TLE6: variants seen among roughly 807,000 people sequenced by gnomAD.
TLE6 encodes transducin-like enhancer protein 6.
TLE6 carries 72 observed loss-of-function variants against 77.1 expected under a neutral mutation model. The ratio of observed to expected loss-of-function variants is 0.93; its 90% CI spans 0.77 to 1.14. The LOEUF (loss-of-function observed/expected upper bound fraction) is 1.14. Among genes scored for constraint, TLE6 ranks in the 50% most tolerant of loss-of-function variants. The pLI is 0.00. For synonymous variants in TLE6, 366 were observed against 287.3 expected, an observed-to-expected ratio of 1.27 and a Z score of -2.77; for missense variants, 843 against 747.6, an observed-to-expected ratio of 1.13 and a Z score of -1.49.
At position 2,990,616 on chromosome 19, in the gene TLE6, A is replaced by G. The variant is rs149516987; in HGVS notation, c.1244+831A>G. Among the ~76,000 whole-genome samples, 912 of 143,682 alleles carry G rather than the reference A, an allele frequency of 6.3e-3. 9 individuals carry two copies. The highest frequency in any genetic ancestry group is 0.024 in the African/African-American group (881 of 37,252). 94.3% of individuals were successfully genotyped at this position (143,682 alleles called of 152,430 possible). ...GCAAGACTCTGTCTCAAAAAAGAAA[A>G]AAAAATACACACATATATAAATAAA... On this transcript the variant is annotated intron_variant, in intron 13 of 16. Coordinates refer to ENST00000246112, the MANE Select transcript of TLE6 (RefSeq NM_001143986.2).
intron 2 of TLE6, among the ~76,000 whole-genome samples, chr19:2,979,576 A>G (rs1419852714): frequency 1.3e-5 from 2 of 151,912 alleles, no homozygotes; most frequent in Non-Finnish European, 2.9e-5. Flanking sequence ...TTGTGCTTCT[A>G]TTTTCATCAC....
At chr19:2,978,336 G>A (rs1192615912) in intron 2 of TLE6, 52 bp downstream of exon 2, 2 of 1,541,428 alleles carry the variant, frequency 1.3e-6, no homozygotes, top group Admixed American at 2.0e-5. Context: ...CGGGCCCAAT[G>A]TGGTTCTGCC....
chr19:2,978,270 C>T lies in TLE6; in HGVS notation c.37C>T (p.Pro13Ser), dbSNP rs1284056624. 3.9e-6 allele frequency: 6 copies of T among 1,551,358 alleles called. No homozygotes were observed. The highest frequency in any genetic ancestry group is 4.4e-6 in the Non-Finnish European group (5 of 1,146,970). Residue 13 changes from proline (P) to serine (S), a missense_variant, in exon 2 of 17, where the codon CCG (proline) becomes TCG (serine). By Grantham distance (74) the Pro-to-Ser change is moderately conservative. Transcript: ENST00000246112. ...SRDQPRPKGP[P>S]KSTSPCPGIS... is the part of the protein sequence containing the mutation. ...GGACCAGCCCAGACCCAAGGGCCCC[C>T]CGAAAAGCACTTCGGTGAGGAGGGC...
Position 2,986,995 on chromosome 19 carries a change from G to A in TLE6, c.298G>A (p.Glu100Lys). 6.2e-7 allele frequency: 1 copy of A among 1,612,194 alleles called. No individual in the cohort carries two copies. The highest frequency in any genetic ancestry group is 8.5e-7 in the Non-Finnish European group (1 of 1,178,740). Reference protein sequence around the residue: ...GFQSEEVSPAEPASPGTPQQV... With the variant: ...GFQSEEVSPAKPASPGTPQQV... ...CCTGCCGGGCCAGGTCTCACCTGCT[G>A]AACCAGCCAGCCCTGGGACGCCCCA... The change falls in exon 7 of 17, where the codon GAA becomes AAA. Residue 100 changes from glutamate (E) to lysine (K), a missense_variant. Transcript: ENST00000246112.
chr19:2,994,828 C>G (rs1438344026), intron 16 of TLE6, 72 bp from the exon 17 acceptor site: 162 of 844,722 alleles, frequency 1.9e-4, no homozygotes, highest in Admixed American at 2.2e-5. Flanking sequence ...ATGCTTCATG[C>G]TTGAGCTGAC....
At position 2,977,784 on chromosome 19, in the gene TLE6, G is replaced by T. The variant is rs773775344; in HGVS notation, c.-37+174G>T. Among the ~76,000 whole-genome samples the T allele has an allele frequency of 2.6e-4, 39 of 152,132 alleles. 1 individual carries two copies. The highest frequency in any genetic ancestry group is 4.1e-4 in the South Asian group (2 of 4,832). ...TCGTTTCTTCTGTCTGATGAATTCC[G>T]CCTAATGCACCTGGCTAACTCCTAG... On this transcript the variant is annotated intron_variant, in intron 1 of 16. Coordinates refer to ENST00000246112, the MANE Select transcript of TLE6 (RefSeq NM_001143986.2).
rs568979795 is a variant in TLE6 at position 2,980,285 on chromosome 19, G to C, written c.134+103G>C. Reference sequence around the variant, plus strand: ...AGTGGTCTAGAGGCTGCTGGCCCAAGAGCCAGGCTCAGGAACAGGAAGCCA... The same window carrying C: ...AGTGGTCTAGAGGCTGCTGGCCCAACAGCCAGGCTCAGGAACAGGAAGCCA... On this transcript the variant is annotated intron_variant, in intron 3 of 16. Coordinates refer to ENST00000246112, the MANE Select transcript of TLE6 (RefSeq NM_001143986.2). The C allele has an allele frequency of 9.6e-5, 87 of 904,672 alleles. 1 individual carries two copies. The highest frequency in any genetic ancestry group is 1.7e-4 in the South Asian group (11 of 63,912). 56.0% of individuals were successfully genotyped at this position (904,672 alleles called of 1,614,324 possible). A position where few individuals can be genotyped will look rare whatever the true frequency, so the allele number is the denominator to read the frequency against.
chr19:2,980,144 T>G lies in TLE6; in HGVS notation c.96T>G (p.Asn32Lys), dbSNP rs1413406708. The G allele has an allele frequency of 6.5e-7, 1 of 1,549,866 alleles. No homozygotes were observed. Among genetic ancestry groups the G allele is most frequent in the Non-Finnish European group, 8.7e-7 (1 of 1,145,848 alleles). ...ISNSESSPTLNYQGILNRLKQ... is the reference protein window; with the variant it reads ...ISNSESSPTLKYQGILNRLKQ... ...ACTCTGAGAGCTCTCCGACGCTGAA[T>G]TATCAGGGCATTCTAAATCGGCTCA... The change falls in exon 3 of 17, where the codon AAT becomes AAG. Residue 32 changes from asparagine (N) to lysine (K), a missense_variant. Physicochemically the swap from Asn to Lys is moderately conservative, Grantham distance 94. Coordinates refer to ENST00000246112, the MANE Select transcript of TLE6 (RefSeq NM_001143986.2).
chr19:2,987,720 C>G lies in TLE6; in HGVS notation c.559-4C>G, dbSNP rs777455928. ...AGGCCTGATGAGACTTTTCCATTTT[C>G]CAGGGGCAGGAAAGCAAGGCACCAG... is the stretch of plus-strand genomic sequence containing the variant. On this transcript the variant is annotated splice_polypyrimidine_tract_variant and splice_region_variant and intron_variant, in intron 8 of 16. Coordinates refer to ENST00000246112, the MANE Select transcript of TLE6 (RefSeq NM_001143986.2). 1 of 1,614,124 alleles carries G rather than the reference C, an allele frequency of 6.2e-7. No individual in the cohort carries two copies.
rs1487334518 is a variant in TLE6 at position 2,992,793 on chromosome 19, A to ACGGG, written c.1387-639_1387-638insCGGG. Among the ~76,000 whole-genome samples, 19 of 19,752 alleles carry ACGGG rather than the reference A, an allele frequency of 9.6e-4. 3 individuals carry two copies. The highest frequency in any genetic ancestry group is 4.6e-3 in the African/African-American group (18 of 3,876). 13.0% of individuals were successfully genotyped at this position (19,752 alleles called of 152,430 possible). ...AGACCCTGTCTCAAAAAAAAAAAAAAGGGGGGGAGGCGGGTGGGGGGGGGG... is the reference window on the plus strand; with the variant it reads ...AGACCCTGTCTCAAAAAAAAAAAAAACGGGGGGGGGGAGGCGGGTGGGGGGGGGG... On this transcript the variant is annotated intron_variant, in intron 14 of 16. Transcript: ENST00000246112.
At chr19:2,982,920 G>A (rs1428434230) in intron 5 of TLE6, among the ~76,000 whole-genome samples, 3 of 152,130 alleles carry the variant, frequency 2.0e-5, no homozygotes, top group Admixed American at 2.0e-4. Flanking sequence ...TTCAATGAGG[G>A]GCCATATGAC....
Position 2,986,902 on chromosome 19 carries a change from G to A in TLE6, c.285+11G>A. 1 of 1,552,026 alleles carries A rather than the reference G, an allele frequency of 6.4e-7. No individual in the cohort carries two copies. Among genetic ancestry groups the A allele is most frequent in the African/African-American group, 1.4e-5 (1 of 73,154 alleles). On this transcript the variant is annotated intron_variant, in intron 6 of 16. Transcript: ENST00000246112. ...TTCCAGTCTGAGGAGGTGAGTTTCT[G>A]GGTCTTCAAGGAGGGGAGGGGACAG...
chr19:2,982,580 A>G (rs190958995), intron 5 of TLE6, among the ~76,000 whole-genome samples: 375 of 149,526 alleles, frequency 2.5e-3, no homozygotes, highest in African/African-American at 8.7e-3. Flanking sequence ...TGGTGAAGAC[A>G]GAGGACGAGG....
chr19:2,981,151 G>A (rs980103591), intron 3 of TLE6, among the ~76,000 whole-genome samples: 1 of 152,000 alleles, frequency 6.6e-6, no homozygotes, highest in African/African-American at 2.4e-5. Context: ...CTGGAGTCAG[G>A]GGTTTGACAC....
At chr19:2,993,053 A>C (rs867439105) in intron 14 of TLE6, among the ~76,000 whole-genome samples, 16 of 141,760 alleles carry the variant, frequency 1.1e-4, no homozygotes, top group South Asian at 4.5e-4. Context: ...AAAAAAAAAA[A>C]CAGAATAATT....
At position 2,982,196 on chromosome 19, in the gene TLE6, G is replaced by A; in HGVS notation, c.222+7G>A. ...GGCAGAACATCACAAGCAGGTGGGT[G>A]ACCAGGAGCTCAGGGGTGCGGCTGT... On this transcript the variant is annotated splice_region_variant and intron_variant, in intron 5 of 16. Coordinates refer to ENST00000246112, the MANE Select transcript of TLE6 (RefSeq NM_001143986.2). 1 of 1,551,290 alleles carries A rather than the reference G, an allele frequency of 6.4e-7. No individual in the cohort carries two copies. The highest frequency in any genetic ancestry group is 8.7e-7 in the Non-Finnish European group (1 of 1,146,910).
At chr19:2,978,937 ATTTTG>A (rs1231956948) in intron 2 of TLE6, among the ~76,000 whole-genome samples, 3 of 151,930 alleles carry the variant, frequency 2.0e-5, no homozygotes, top group East Asian at 3.9e-4. Context: ...GATGAGGGAT[ATTTTG>A]TTTTGAGACT....
chr19:2,984,788 A>G (rs942927243), intron 5 of TLE6, among the ~76,000 whole-genome samples: 11 of 152,012 alleles, frequency 7.2e-5, no homozygotes, highest in African/African-American at 2.7e-4. Context: ...TACTTTGAAC[A>G]TGGCTACTAG....
chr19:2,991,395 T>TATATATAC (rs1555686268), intron 13 of TLE6, among the ~76,000 whole-genome samples: 2,575 of 113,926 alleles, frequency 0.023, 39 homozygotes, highest in East Asian at 0.048. Flanking sequence ...TATATATATA[T>TATATATAC]ACACACACAC....
Sources: allele counts gnomAD v4.1 joint callset (sites outside exome capture counted in the v4.1 genomes callset), GRCh38; gene constraint gnomAD v4.1.1; transcripts MANE v1.5; gene names NCBI Gene and HGNC (gene_info 2026-07-23, HGNC 2026-07-21).